KIF13A: variants seen among roughly 807,000 people sequenced by gnomAD.
The protein encoded by KIF13A is kinesin-like protein KIF13A.
In KIF13A, 79 loss-of-function variants were observed where a neutral mutation model predicts 212.2. The observed-to-expected ratio is 0.37, with a 90% CI of 0.31 to 0.45. KIF13A has a LOEUF of 0.45. KIF13A is among the 20% of genes least tolerant of loss of function. The pLI is 1.00. For synonymous variants in KIF13A, 789 were observed against 808.6 expected (o/e 0.98, Z 0.41); for missense variants, 1,901 against 2,209.0 (o/e 0.86, Z 2.79).
In KIF13A at chr6:17,967,925, G is replaced by A. The variant is rs1031438194; in HGVS notation, c.146+19129C>T. Among the ~76,000 whole-genome samples the A allele has an allele frequency of 2.6e-5, 4 of 152,224 alleles. No individual in the cohort carries two copies. The highest frequency in any genetic ancestry group is 4.4e-5 in the Non-Finnish European group (3 of 68,010). On this transcript the variant is annotated intron_variant, in intron 2 of 38. Transcript: ENST00000259711. This position sits in a 1 kb window ranked among gnomAD's most constrained non-coding sequence, Gnocchi z 4.1. ...TAAATGCTTAATAAAGCCTGCAAAT[G>A]GCTTATTTAAAAATATAAATAAAAA...
chr6:17,857,931 G>A (rs1186336425), intron 4 of KIF13A, among the ~76,000 whole-genome samples: 1 of 151,884 alleles, frequency 6.6e-6, no homozygotes, highest in African/African-American at 2.4e-5. Context: ...TGTTTTATAT[G>A]ATGGAATATA....
chr6:17,966,105 A>T (rs1286307433), intron 2 of KIF13A, among the ~76,000 whole-genome samples: 1 of 152,276 alleles, frequency 6.6e-6, no homozygotes, highest in Middle Eastern at 3.4e-3. Flanking sequence ...GAGGCATGAG[A>T]ATTGCTTGAA....
In KIF13A at chr6:17,855,511, T is replaced by C; in HGVS notation, c.420A>G (p.Ser140=). ...FKRISLEQNE[S]QTFKVEVSYM... is the part of the protein sequence containing the mutation. ...AGGACACTTCAACTTTAAAGGTCTGTGACTCATTTTGCTCCAAAGAGATCC... is the reference window on the plus strand; with the variant it reads ...AGGACACTTCAACTTTAAAGGTCTGCGACTCATTTTGCTCCAAAGAGATCC... The change falls in exon 6 of 39, where the codon TCA becomes TCG. Residue 140 remains serine (S), a synonymous_variant. Coordinates refer to ENST00000259711, the MANE Select transcript of KIF13A (RefSeq NM_022113.6). The surrounding 1 kb of genome is among the most constrained non-coding windows in gnomAD (Gnocchi z 4.1). 6.2e-7 allele frequency: 1 copy of C among 1,613,850 alleles called. No individual in the cohort carries two copies. Among genetic ancestry groups the C allele is most frequent in the Non-Finnish European group, 8.5e-7 (1 of 1,179,792 alleles).
At position 17,854,732 on chromosome 6, in the gene KIF13A, T is replaced by C. The variant is rs928555090; in HGVS notation, c.494+705A>G. ...CACACCTGGGTAATTTTTGTATTTTTAGTAGAGATGGGGTTTTGTCATGTT... is the reference window on the plus strand; with the variant it reads ...CACACCTGGGTAATTTTTGTATTTTCAGTAGAGATGGGGTTTTGTCATGTT... On this transcript the variant is annotated intron_variant, in intron 6 of 38. Transcript: ENST00000259711. 1.1e-4 allele frequency among the ~76,000 whole-genome samples: 17 copies of C among 151,404 alleles called. No homozygotes were observed. The East Asian group carries it at 3.3e-3, about 30-fold the overall frequency.
Position 17,873,429 on chromosome 6 carries a change from G to T in KIF13A, c.168C>A (p.Ala56=). 1 of 1,583,048 alleles carries T rather than the reference G, an allele frequency of 6.3e-7. No individual in the cohort carries two copies. Among genetic ancestry groups the T allele is most frequent in the Admixed American group, 1.8e-5 (1 of 55,978 alleles). ...CCATGGACCAAAAGCAATAATCAAA[G>T]GCAAATACCTGAATGAAAGAACAAA... ...QGERKPPKVF[A]FDYCFWSMDE... The change falls in exon 4 of 39, where the codon GCC becomes GCA. Residue 56 remains alanine, a synonymous_variant. Coordinates refer to ENST00000259711, the MANE Select transcript of KIF13A (RefSeq NM_022113.6).
intron 3 of KIF13A, among the ~76,000 whole-genome samples, chr6:17,878,989 G>T (rs1287528376): frequency 6.6e-6 from 1 of 152,160 alleles, no homozygotes; most frequent in African/African-American, 2.4e-5. Flanking sequence ...AACCAGTCTT[G>T]GAGTATAGGT....
At position 17,789,520 on chromosome 6, in the gene KIF13A, T is replaced by A. The variant is rs969644456; in HGVS notation, c.3261+352A>T. On this transcript the variant is annotated intron_variant, in intron 26 of 38. Transcript: ENST00000259711. This position sits in a 1 kb window ranked among gnomAD's most constrained non-coding sequence, Gnocchi z 4.8. Reference sequence around the variant, plus strand: ...CAATATTTTAAGATCATCCATTTTTTAAATTAATTAATTAGTTAATTAATT... The same window carrying A: ...CAATATTTTAAGATCATCCATTTTTAAAATTAATTAATTAGTTAATTAATT... 2.0e-5 allele frequency among the ~76,000 whole-genome samples: 3 copies of A among 152,218 alleles called. No individual in the cohort carries two copies. The highest frequency in any genetic ancestry group is 2.1e-4 in the South Asian group (1 of 4,822).
Position 17,897,844 on chromosome 6 carries a change from A to G in KIF13A, c.159+324T>C, listed in dbSNP as rs1772701272. Among the ~76,000 whole-genome samples, 2 of 152,126 alleles carry G rather than the reference A, an allele frequency of 1.3e-5. No individual in the cohort carries two copies. Among genetic ancestry groups the G allele is most frequent in the African/African-American group, 4.8e-5 (2 of 41,424 alleles). ...CAGTCCCAGCTCTTCCATTCACTCA[A>G]TCTGTGAGTTAGGACATGCTATTTC... On this transcript the variant is annotated intron_variant, in intron 3 of 38. Coordinates refer to ENST00000259711, the MANE Select transcript of KIF13A (RefSeq NM_022113.6). The surrounding 1 kb of genome is among the most constrained non-coding windows in gnomAD (Gnocchi z 4.8).
chr6:17,868,989 CAAAAAAAAAAAAAAA>C (rs71002278), intron 4 of KIF13A, among the ~76,000 whole-genome samples: 8 of 20,920 alleles, frequency 3.8e-4, no homozygotes, highest in African/African-American at 7.1e-4. Context: ...GACTCCCTCT[CAAAAAAAAAAAAAAA>C]AAAAAAAAAA....
In KIF13A at chr6:17,786,253, G is replaced by A. The variant is rs1479260300; in HGVS notation, c.3362-612C>T. Among the ~76,000 whole-genome samples, 2 of 152,142 alleles carry A rather than the reference G, an allele frequency of 1.3e-5. No homozygotes were observed. The highest frequency in any genetic ancestry group is 1.9e-4 in the East Asian group (1 of 5,194). On this transcript the variant is annotated intron_variant, in intron 27 of 38. Coordinates refer to ENST00000259711, the MANE Select transcript of KIF13A (RefSeq NM_022113.6). This position sits in a 1 kb window ranked among gnomAD's most constrained non-coding sequence, Gnocchi z 5.4. ...TTGCTGGAAGGATCAAATGAAATAC[G>A]GATGTGACACTGCTTTATAGAACTA...
chr6:17,983,904 C>T lies in KIF13A; in HGVS notation c.146+3150G>A, dbSNP rs73724074. ...TTTCATTGGCAAAGGACTCTCTCCT[C>T]GTCTTGCAAAAGTGAACCTATGCTC... On this transcript the variant is annotated intron_variant, in intron 2 of 38. Transcript: ENST00000259711. 6.6e-3 allele frequency among the ~76,000 whole-genome samples: 1,006 copies of T among 152,336 alleles called. 8 individuals carry two copies. The highest frequency in any genetic ancestry group is 0.023 in the African/African-American group (956 of 41,582).
At chr6:17,859,616 T>C (rs1768507383) in intron 4 of KIF13A, among the ~76,000 whole-genome samples, 1 of 135,500 alleles carries the variant, frequency 7.4e-6, no homozygotes, top group African/African-American at 2.8e-5. Context: ...GCTGGCAATG[T>C]ATTTTATATA....
intron 2 of KIF13A, among the ~76,000 whole-genome samples, chr6:17,974,904 G>C (rs936106043): frequency 6.6e-6 from 1 of 152,012 alleles, no homozygotes; most frequent in Non-Finnish European, 1.5e-5. Context: ...GATCACATAG[G>C]GCTACTGGCT....
chr6:17,877,597 T>C (rs2150444359), intron 3 of KIF13A, among the ~76,000 whole-genome samples: 1 of 152,338 alleles, frequency 6.6e-6, no homozygotes, highest in African/African-American at 2.4e-5. Flanking sequence ...CATTTCCCTT[T>C]TCTTTTGACC....
At chr6:17,801,345 T>A (rs2150334006) in intron 20 of KIF13A, among the ~76,000 whole-genome samples, 1 of 148,752 alleles carries the variant, frequency 6.7e-6, no homozygotes, top group Admixed American at 6.7e-5. Context: ...TACAAATAAT[T>A]AAAAAAAAAA....
intron 2 of KIF13A, among the ~76,000 whole-genome samples, chr6:17,973,545 T>C (rs985653307): frequency 6.6e-6 from 1 of 152,178 alleles, no homozygotes; most frequent in Admixed American, 6.5e-5. Context: ...TCAGCTCCTA[T>C]AAATGTTACC....
intron 3 of KIF13A, among the ~76,000 whole-genome samples, chr6:17,876,562 GCTC>G (rs1161731143): frequency 6.6e-6 from 1 of 151,862 alleles, no homozygotes; most frequent in Non-Finnish European, 1.5e-5. Flanking sequence ...CTTTTTTATG[GCTC>G]CTATCTCAAT....
Position 17,914,264 on chromosome 6 carries a change from T to C in KIF13A, c.147-16084A>G, listed in dbSNP as rs901801263. On this transcript the variant is annotated intron_variant, in intron 2 of 38. Transcript: ENST00000259711. The surrounding 1 kb of genome is among the most constrained non-coding windows in gnomAD (Gnocchi z 5.9). ...ACTACATTATTTATAGTGACCCTTG[T>C]TTTTCACTAAAAAAGTGATGCTCTC... Among the ~76,000 whole-genome samples, 3 of 152,192 alleles carry C rather than the reference T, an allele frequency of 2.0e-5. No homozygotes were observed. Among genetic ancestry groups the C allele is most frequent in the African/African-American group, 7.2e-5 (3 of 41,456 alleles).
chr6:17,824,709 C>T (rs1180307537), intron 16 of KIF13A, among the ~76,000 whole-genome samples: 3 of 138,916 alleles, frequency 2.2e-5, no homozygotes, highest in Admixed American at 8.1e-5. Flanking sequence ...TGCAGTGAAC[C>T]GAGATCGTGC....
Sources: allele counts gnomAD v4.1 joint callset (sites outside exome capture counted in the v4.1 genomes callset), GRCh38; gene constraint gnomAD v4.1.1; non-coding constraint Gnocchi (gnomAD v3.1); transcripts MANE v1.5; gene names NCBI Gene and HGNC (gene_info 2026-07-23, HGNC 2026-07-21).